The following SGCD variants were observed in gnomAD, a reference collection of about 807,000 sequenced individuals.
The protein encoded by SGCD is delta-sarcoglycan.
SGCD carries 18 observed loss-of-function variants against 36.6 expected under a neutral mutation model. The ratio of observed to expected loss-of-function variants is 0.49; its 90% CI spans 0.34 to 0.73. The LOEUF is 0.73. Among genes scored for constraint, SGCD ranks in the 30% least tolerant of loss-of-function variants. SGCD has a pLI of 0.01. For synonymous variants in SGCD, 133 were observed against 130.6 expected, an observed-to-expected ratio of 1.02 and a Z score of -0.12; for missense variants, 387 against 346.7, an observed-to-expected ratio of 1.12 and a Z score of -0.92.
intron 3 of SGCD, among the ~76,000 whole-genome samples, chr5:156,210,643 G>A (rs1048728553): frequency 6.6e-6 from 1 of 151,264 alleles, no homozygotes; most frequent in Admixed American, 6.6e-5. Context: ...CAGAAGTCCT[G>A]GGACTGAAAA....
chr5:156,223,860 A>C (rs1298010701), intron 3 of SGCD, among the ~76,000 whole-genome samples: 1 of 152,052 alleles, frequency 6.6e-6, no homozygotes, highest in Admixed American at 6.6e-5. Context: ...TGAAACAGTA[A>C]TCACAACGGA....
intron 3 of SGCD, among the ~76,000 whole-genome samples, chr5:156,200,887 A>G (rs1219019677): frequency 1.3e-5 from 2 of 152,202 alleles, no homozygotes; most frequent in African/African-American, 4.8e-5. Flanking sequence ...GTAGAGACAT[A>G]CAGTGGAATA....
intron 3 of SGCD, among the ~76,000 whole-genome samples, chr5:156,289,998 T>G (rs1766714714): frequency 2.0e-5 from 3 of 152,142 alleles, no homozygotes; most frequent in Admixed American, 2.0e-4. Flanking sequence ...GACAATCTTA[T>G]AGGCAGGGGC....
chr5:156,120,319 A>T (rs2127602300), intron 2 of SGCD, among the ~76,000 whole-genome samples: 1 of 152,216 alleles, frequency 6.6e-6, no homozygotes, highest in South Asian at 2.1e-4. Context: ...AGAATTATAG[A>T]ATTGTCTCTC....
rs189739796 is a variant in SGCD, at chr5:156,314,980, A to G, written c.-43-14554A>G. 3.6e-4 allele frequency among the ~76,000 whole-genome samples: 55 copies of G among 152,152 alleles called. No individual in the cohort carries two copies. In the East Asian group the frequency reaches 3.7e-3, roughly 10 times the overall value. ...TGCAATGTAATGATTTGATGTATGT[A>G]TATGTTGAGAAATAATCACCACAAT... On this transcript the variant is annotated intron_variant, in intron 3 of 9. Transcript: ENST00000517913.
chr5:156,517,008 A>G (rs1757205123), intron 4 of SGCD, among the ~76,000 whole-genome samples: 2 of 152,164 alleles, frequency 1.3e-5, no homozygotes, highest in Non-Finnish European at 2.9e-5. Context: ...AAAAAACAAA[A>G]CAAAAAACAA....
intron 2 of SGCD, among the ~76,000 whole-genome samples, chr5:156,335,786 G>C (rs1437342407): frequency 6.6e-6 from 1 of 152,070 alleles, no homozygotes. Flanking sequence ...CATGTCTCAA[G>C]CCACAGAGAA....
At chr5:156,356,906 A>G (rs1328511266) in intron 3 of SGCD, among the ~76,000 whole-genome samples, 1 of 152,180 alleles carries the variant, frequency 6.6e-6, no homozygotes, top group Admixed American at 6.5e-5. Flanking sequence ...TAGGACCGCC[A>G]ATTAAGGAAA....
chr5:156,183,339 C>T (rs1763653731), intron 3 of SGCD, among the ~76,000 whole-genome samples: 1 of 152,200 alleles, frequency 6.6e-6, no homozygotes, highest in African/African-American at 2.4e-5. Flanking sequence ...ATTGAAATCA[C>T]AGTACCCCAC....
chr5:156,534,815 A>G (rs1416094015), intron 4 of SGCD, among the ~76,000 whole-genome samples: 1 of 152,212 alleles, frequency 6.6e-6, no homozygotes, highest in African/African-American at 2.4e-5. Context: ...TTAAACATAT[A>G]CAGGGTGCCT....
At chr5:155,733,673 C>A in the SGCD span, among the ~76,000 whole-genome samples, 2 of 151,084 alleles carry the variant, frequency 1.3e-5, no homozygotes, top group Non-Finnish European at 2.9e-5. Context: ...AACCTACTTT[C>A]CTGGGATGAC....
chr5:156,352,732 C>T (rs765130218), intron 3 of SGCD, among the ~76,000 whole-genome samples: 3 of 152,128 alleles, frequency 2.0e-5, no homozygotes, highest in African/African-American at 4.8e-5. Context: ...ACATGATGCA[C>T]ATAAGAACCC....
intron 3 of SGCD, among the ~76,000 whole-genome samples, chr5:156,394,942 A>G (rs931437831): frequency 1.3e-5 from 2 of 152,242 alleles, no homozygotes; most frequent in Admixed American, 1.3e-4. Context: ...ATCATATTGC[A>G]CTGGTTACTT....
intron 1 of SGCD, among the ~76,000 whole-genome samples, chr5:156,059,321 G>A (rs966902842): frequency 1.4e-5 from 2 of 146,194 alleles, no homozygotes; most frequent in Non-Finnish European, 3.1e-5. Context: ...TTCTTCCTCT[G>A]CTAAGGAAAC....
intron 6 of SGCD, among the ~76,000 whole-genome samples, chr5:156,621,057 GTTC>G (rs1164768366): frequency 1.3e-5 from 2 of 152,202 alleles, no homozygotes; most frequent in Non-Finnish European, 2.9e-5. Context: ...AGTGTAGGCA[GTTC>G]TTCTTTAGAA....
intron 7 of SGCD, among the ~76,000 whole-genome samples, chr5:156,720,716 C>T (rs544698420): frequency 6.6e-6 from 1 of 152,260 alleles, no homozygotes; most frequent in South Asian, 2.1e-4. Flanking sequence ...GGCAATCTCC[C>T]AAAGAAATCT....
chr5:156,503,324 A>T (rs1476102678), intron 3 of SGCD, among the ~76,000 whole-genome samples: 1 of 152,122 alleles, frequency 6.6e-6, no homozygotes, highest in East Asian at 1.9e-4. Context: ...ATAGCAGAAG[A>T]TTCCTTCTGA....
intron 7 of SGCD, among the ~76,000 whole-genome samples, chr5:156,755,037 G>A (rs11135380): frequency 0.08 from 12,172 of 152,158 alleles, 782 homozygotes; most frequent in African/African-American, 0.17. Flanking sequence ...ACAATAGTCC[G>A]GGTTACAGGC....
intron 6 of SGCD, among the ~76,000 whole-genome samples, chr5:156,630,421 G>T (rs1449379422): frequency 6.6e-6 from 1 of 152,156 alleles, no homozygotes. Context: ...TTCTAAACAA[G>T]AACATCGTCA....
Sources: allele counts gnomAD v4.1 joint callset (sites outside exome capture counted in the v4.1 genomes callset), GRCh38; gene constraint gnomAD v4.1.1; transcripts MANE v1.5; gene names NCBI Gene and HGNC (gene_info 2026-07-23, HGNC 2026-07-21).